OR2L13: variants seen among roughly 807,000 people sequenced by gnomAD.
The protein encoded by OR2L13 is olfactory receptor family 2 subfamily L member 13.
OR2L13 carries 14 observed loss-of-function variants against 15.3 expected under a neutral mutation model. That is an observed-to-expected ratio of 0.91 (90% CI 0.60 to 1.43). The LOEUF (loss-of-function observed/expected upper bound fraction) is 1.43. Among genes scored for constraint, OR2L13 ranks in the 40% most tolerant of loss-of-function variants. The pLI, the probability that OR2L13 is intolerant of heterozygous loss-of-function variation, is 0.00. For synonymous variants in OR2L13, 152 were observed against 142.9 expected (o/e 1.06, Z -0.45); for missense variants, 367 against 387.9 (o/e 0.95, Z 0.45).
the OR2L13 span, chr1:247,965,700 T>A: frequency 2.4e-5 from 37 of 1,555,884 alleles, no homozygotes; most frequent in Non-Finnish European, 3.2e-5. Flanking sequence ...TGGCCCTTGG[T>A]GGAACTGAAG....
chr1:248,001,186 A>C, the OR2L13 span, among the ~76,000 whole-genome samples: 2 of 152,158 alleles, frequency 1.3e-5, no homozygotes, highest in Non-Finnish European at 2.9e-5. Context: ...TTCATCATCT[A>C]TAAAATGTCA....
chr1:248,072,123 A>T, the OR2L13 span, among the ~76,000 whole-genome samples: 2 of 151,854 alleles, frequency 1.3e-5, no homozygotes, highest in East Asian at 1.9e-4. Context: ...ATTGGAAAAA[A>T]CTACTTTAAA....
the OR2L13 span, among the ~76,000 whole-genome samples, chr1:248,029,518 A>G: frequency 1.3e-5 from 2 of 152,188 alleles, no homozygotes; most frequent in Non-Finnish European, 2.9e-5. Flanking sequence ...ATCTGTTTTA[A>G]TAGGAGAAAA....
At chr1:248,038,230 CT>C in the OR2L13 span, 2 of 1,404,268 alleles carry the variant, frequency 1.4e-6, no homozygotes, top group Non-Finnish European at 2.0e-6. Flanking sequence ...TTAATTTACC[CT>C]TTTGTCTCCC....
the OR2L13 span, among the ~76,000 whole-genome samples, chr1:247,976,102 A>G: frequency 1.3e-5 from 2 of 152,184 alleles, no homozygotes; most frequent in African/African-American, 2.4e-5. Flanking sequence ...GTAATGATTT[A>G]TTAATAAATT....
At chr1:248,077,697 GA>G in the OR2L13 span, among the ~76,000 whole-genome samples, 2 of 152,122 alleles carry the variant, frequency 1.3e-5, no homozygotes, top group Non-Finnish European at 2.9e-5. Context: ...GTGTAAGTAC[GA>G]CTTCATGAAA....
upstream of OR2L13, among the ~76,000 whole-genome samples, chr1:248,094,756 C>G (rs1296046603): frequency 6.6e-6 from 1 of 152,178 alleles, no homozygotes; most frequent in Non-Finnish European, 1.5e-5. Context: ...ATCAATCATT[C>G]CCCCTGGAAA....
the OR2L13 span, among the ~76,000 whole-genome samples, chr1:248,011,898 A>G: frequency 6.6e-6 from 1 of 152,164 alleles, no homozygotes; most frequent in African/African-American, 2.4e-5. Flanking sequence ...TTTACAAAAG[A>G]CTTGACATAA....
the OR2L13 span, among the ~76,000 whole-genome samples, chr1:248,089,523 C>A: frequency 6.6e-6 from 1 of 152,084 alleles, no homozygotes. Flanking sequence ...AGCTTAAGTT[C>A]CTTCGGGGAA....
chr1:247,942,808 A>G, the OR2L13 span, among the ~76,000 whole-genome samples: 1 of 152,076 alleles, frequency 6.6e-6, no homozygotes, highest in East Asian at 1.9e-4. Flanking sequence ...AATCATCCCT[A>G]TCGTGCATAT....
At chr1:248,083,924 C>T in the OR2L13 span, 1 of 1,611,492 alleles carries the variant, frequency 6.2e-7, no homozygotes, top group Non-Finnish European at 8.5e-7. Context: ...AGCGCATGTG[C>T]AGAACAGCAG....
At chr1:248,093,985 A>T (rs79385760), upstream of OR2L13, among the ~76,000 whole-genome samples, 6,465 of 152,230 alleles carry the variant, frequency 0.042, 466 homozygotes, top group African/African-American at 0.15. Context: ...AGGATGAATA[A>T]GACTTAGAAT....
chr1:248,012,925 G>T, the OR2L13 span, among the ~76,000 whole-genome samples: 1 of 151,574 alleles, frequency 6.6e-6, no homozygotes, highest in African/African-American at 2.4e-5. Flanking sequence ...AAAAATTTGA[G>T]TACCTTTAAG....
chr1:248,035,674 A>T, the OR2L13 span: 1 of 151,990 alleles, frequency 6.6e-6, no homozygotes, highest in Non-Finnish European at 1.5e-5. Context: ...TTGTCCATGT[A>T]TTTTCAAACA....
At chr1:248,053,484 C>T in the OR2L13 span, among the ~76,000 whole-genome samples, 4 of 152,120 alleles carry the variant, frequency 2.6e-5, no homozygotes, top group Admixed American at 6.5e-5. Flanking sequence ...ACGGGAATGC[C>T]GGATCAAATG....
At chr1:248,065,759 T>C in the OR2L13 span, among the ~76,000 whole-genome samples, 1 of 151,970 alleles carries the variant, frequency 6.6e-6, no homozygotes, top group Admixed American at 6.6e-5. Flanking sequence ...AATAGTGACA[T>C]AGTTGGGTAG....
At chr1:248,004,890 C>T in the OR2L13 span, among the ~76,000 whole-genome samples, 1 of 152,080 alleles carries the variant, frequency 6.6e-6, no homozygotes, top group Admixed American at 6.6e-5. Flanking sequence ...GGTCTGTTGT[C>T]AAAAATCAGT....
At chr1:247,966,104 C>T in the OR2L13 span, 2 of 1,613,964 alleles carry the variant, frequency 1.2e-6, no homozygotes, top group Non-Finnish European at 1.7e-6. Context: ...ACTTGTTCCT[C>T]CCACCTGATT....
the OR2L13 span, chr1:248,038,941 A>G: frequency 6.2e-7 from 1 of 1,613,898 alleles, no homozygotes; most frequent in Non-Finnish European, 8.5e-7. Flanking sequence ...CTTGCTGTCT[A>G]CCGCATGCAC....
Sources: allele counts gnomAD v4.1 joint callset (sites outside exome capture counted in the v4.1 genomes callset), GRCh38; gene constraint gnomAD v4.1.1; transcripts MANE v1.5; gene names NCBI Gene and HGNC (gene_info 2026-07-23, HGNC 2026-07-21).